COL23A1: variants seen among roughly 807,000 people sequenced by gnomAD.
COL23A1 encodes the protein collagen alpha-1(XXIII) chain.
In COL23A1, 97 loss-of-function variants were observed where a neutral mutation model predicts 99.3. The observed-to-expected ratio is 0.98, with a 90% confidence interval of 0.83 to 1.16. COL23A1 has a LOEUF of 1.16. Ranked by LOEUF, COL23A1 falls within the 50% of genes most tolerant of loss-of-function variation. The pLI is 0.00. For synonymous variants in COL23A1, 320 were observed against 308.2 expected (o/e 1.04, Z -0.40); for missense variants, 762 against 757.4 (o/e 1.01, Z -0.07).
At chr5:178,296,333 T>C (rs910706071) in intron 3 of COL23A1, among the ~76,000 whole-genome samples, 16 of 152,136 alleles carry the variant, frequency 1.1e-4, no homozygotes, top group African/African-American at 3.9e-4. Context: ...ACTGAATGCG[T>C]TCCCCAGAGC....
rs1346768915 is a variant in COL23A1 at position 178,366,509 on chromosome 5, C to T, written c.362-59590G>A. Among the ~76,000 whole-genome samples the T allele has an allele frequency of 2.6e-5, 4 of 152,226 alleles. No individual in the cohort carries two copies. Among genetic ancestry groups the T allele is most frequent in the Non-Finnish European group, 5.9e-5 (4 of 68,042 alleles). ...ACGGCGTCTTCTGCACCTGCACTCC[C>T]ATCTGACCTTTCCAGACCAACTTCC... is the stretch of plus-strand genomic sequence containing the variant. On this transcript the variant is annotated intron_variant, in intron 2 of 28. Coordinates refer to ENST00000390654, the MANE Select transcript of COL23A1 (RefSeq NM_173465.4). The surrounding 1 kb of genome is among the most constrained non-coding windows in gnomAD (Gnocchi z 4.4).
intron 1 of COL23A1, among the ~76,000 whole-genome samples, chr5:178,583,456 A>C (rs1327273962): frequency 6.6e-6 from 1 of 152,226 alleles, no homozygotes; most frequent in Non-Finnish European, 1.5e-5. Flanking sequence ...CTTGGTCCCT[A>C]GAGCTCCAGT....
intron 2 of COL23A1, among the ~76,000 whole-genome samples, chr5:178,369,827 C>T (rs1762706881): frequency 6.6e-6 from 1 of 152,194 alleles, no homozygotes; most frequent in East Asian, 1.9e-4. Flanking sequence ...TCTTTATCAT[C>T]AGCATGAGAA....
chr5:178,364,236 G>A (rs567475893), intron 2 of COL23A1, among the ~76,000 whole-genome samples: 1 of 152,296 alleles, frequency 6.6e-6, no homozygotes, highest in South Asian at 2.1e-4. Context: ...TCCCTTGTAA[G>A]TCTGAGAAGA....
At chr5:178,385,335 C>T (rs1381254542) in intron 2 of COL23A1, among the ~76,000 whole-genome samples, 1 of 152,244 alleles carries the variant, frequency 6.6e-6, no homozygotes, top group African/African-American at 2.4e-5. Context: ...CAGAGGGAAA[C>T]ACCCCTGCTC....
rs565217137 is a variant in COL23A1 at position 178,515,418 on chromosome 5, C to T, written c.361+45264G>A. On this transcript the variant is annotated intron_variant, in intron 2 of 28. Transcript: ENST00000390654. ...AACAGAATCACTGCAGAGGTTTCCA[C>T]GGGGTGGAAGCCACTAACCAGCCAG... Among the ~76,000 whole-genome samples, 22 of 152,310 alleles carry T rather than the reference C, an allele frequency of 1.4e-4. No individual in the cohort carries two copies. The South Asian group carries it at 2.9e-3, about 20-fold the overall frequency.
chr5:178,461,381 G>A (rs1484257268), intron 2 of COL23A1, among the ~76,000 whole-genome samples: 1 of 152,222 alleles, frequency 6.6e-6, no homozygotes, highest in African/African-American at 2.4e-5. Context: ...GTCAGGCCAA[G>A]GGACCTGCCA....
At chr5:178,328,791 G>A (rs984211845) in intron 2 of COL23A1, among the ~76,000 whole-genome samples, 10 of 152,180 alleles carry the variant, frequency 6.6e-5, no homozygotes, top group African/African-American at 1.2e-4. Flanking sequence ...TAGAGGTAAC[G>A]CAAGGGGTCT....
intron 17 of COL23A1, 94 bp downstream of exon 17, chr5:178,252,450 G>A: frequency 8.1e-7 from 1 of 1,229,022 alleles, no homozygotes; most frequent in South Asian, 1.5e-5. Context: ...GACACCCGGA[G>A]GGAAGTGGAA....
intron 5 of COL23A1, among the ~76,000 whole-genome samples, chr5:178,276,126 G>C (rs191882678): frequency 6.6e-6 from 1 of 152,290 alleles, no homozygotes; most frequent in East Asian, 1.9e-4. Context: ...TCCATCCCTG[G>C]AGTGTCTTGA....
chr5:178,441,736 G>A (rs1227995920), intron 2 of COL23A1, among the ~76,000 whole-genome samples: 2 of 152,136 alleles, frequency 1.3e-5, no homozygotes, highest in African/African-American at 2.4e-5. Flanking sequence ...GTGATGACGC[G>A]GGGTGGGCAG....
intron 2 of COL23A1, among the ~76,000 whole-genome samples, chr5:178,386,725 C>T (rs1293494870): frequency 1.3e-5 from 2 of 152,070 alleles, no homozygotes; most frequent in Admixed American, 6.6e-5. Flanking sequence ...ACCCCTGCCC[C>T]GTCAGGAGTC....
rs146394660 is a variant in COL23A1, at chr5:178,287,007, G to GTACCT, written c.441+1316_441+1317insAGGTA. Among the ~76,000 whole-genome samples the GTACCT allele has an allele frequency of 6.8e-3, 1,038 of 152,372 alleles. 15 individuals are homozygous for GTACCT. Among genetic ancestry groups the GTACCT allele is most frequent in the East Asian group, 0.052 (272 of 5,182 alleles). On this transcript the variant is annotated intron_variant, in intron 5 of 28. Coordinates refer to ENST00000390654, the MANE Select transcript of COL23A1 (RefSeq NM_173465.4). Reference sequence around the variant, plus strand: ...TTCTGTTAGTCTCCGGTCCTCCCGAGCCGGTACTGGTACAGCGAATAATGC... The same window carrying GTACCT: ...TTCTGTTAGTCTCCGGTCCTCCCGAGTACCTCCGGTACTGGTACAGCGAATAATGC...
At chr5:178,466,801 G>C (rs1019596725) in intron 2 of COL23A1, among the ~76,000 whole-genome samples, 5 of 152,360 alleles carry the variant, frequency 3.3e-5, no homozygotes, top group African/African-American at 7.2e-5. Flanking sequence ...GCCGTGCCAG[G>C]CTGGCCAGGT....
chr5:178,288,292 T>C, intron 5 of COL23A1, 32 bp downstream of exon 5: 1 of 1,535,940 alleles, frequency 6.5e-7, no homozygotes, highest in Non-Finnish European at 8.9e-7. Context: ...GAGAAAAGGG[T>C]GAAGAGAGCA....
At chr5:178,424,723 G>C (rs17081213) in intron 2 of COL23A1, among the ~76,000 whole-genome samples, 10,025 of 152,266 alleles carry the variant, frequency 0.066, 1,027 homozygotes, top group East Asian at 0.48. Context: ...GGGTCTGACA[G>C]CACTAGCTGG....
chr5:178,379,789 G>A (rs988174723), intron 2 of COL23A1, among the ~76,000 whole-genome samples: 4 of 151,734 alleles, frequency 2.6e-5, no homozygotes, highest in Non-Finnish European at 4.4e-5. Flanking sequence ...GTTGAGGCAG[G>A]AGAATTGCTT....
intron 2 of COL23A1, among the ~76,000 whole-genome samples, chr5:178,342,976 A>G (rs1320620286): frequency 6.6e-6 from 1 of 152,178 alleles, no homozygotes; most frequent in African/African-American, 2.4e-5. Flanking sequence ...CAACAACCAC[A>G]TGGACTGTAA....
chr5:178,246,668 TG>T (rs1368696522), intron 22 of COL23A1, among the ~76,000 whole-genome samples: 1 of 148,090 alleles, frequency 6.8e-6, no homozygotes, highest in Non-Finnish European at 1.5e-5. Flanking sequence ...CTCAGCCCCA[TG>T]GAAGGTGATT....
Sources: gnomAD v4.1 joint callset for allele counts (sites outside exome capture counted in the v4.1 genomes callset) on GRCh38, gnomAD v4.1.1 for gene constraint, Gnocchi (gnomAD v3.1) non-coding constraint, MANE v1.5 for transcripts, NCBI Gene and HGNC (gene_info 2026-07-23, HGNC 2026-07-21) for gene names.